The following SH3YL1 variants were observed in gnomAD, a reference collection of about 807,000 sequenced individuals.
SH3YL1 encodes SH3 and SYLF domain containing 1.
SH3YL1 carries 41 observed loss-of-function variants against 45.8 expected under a neutral mutation model. The ratio of observed to expected loss-of-function variants is 0.89; its 90% CI spans 0.70 to 1.16. The LOEUF (loss-of-function observed/expected upper bound fraction) is 1.16. Ranked by LOEUF, SH3YL1 falls within the 50% of genes most tolerant of loss-of-function variation. The pLI is 0.00. For synonymous variants in SH3YL1, 152 were observed against 151.4 expected (o/e 1.00, Z -0.03); for missense variants, 389 against 409.6 (o/e 0.95, Z 0.43).
At chr2:237,366 C>A (rs943633332) in intron 4 of SH3YL1, among the ~76,000 whole-genome samples, 1 of 151,782 alleles carries the variant, frequency 6.6e-6, no homozygotes, top group East Asian at 1.9e-4. Context: ...CCAATTAGCC[C>A]GAGAACCAGG....
chr2:255,720 C>G (rs1371683603), intron 1 of SH3YL1, among the ~76,000 whole-genome samples: 1 of 151,596 alleles, frequency 6.6e-6, no homozygotes, highest in Non-Finnish European at 1.5e-5. Context: ...TTAACAAGAT[C>G]CAGACCAGGA....
chr2:243,181 A>G (rs371491284), intron 4 of SH3YL1, among the ~76,000 whole-genome samples: 6 of 152,292 alleles, frequency 3.9e-5, no homozygotes, highest in East Asian at 1.9e-4. Flanking sequence ...ACTAGACCCA[A>G]TGGACTCCTG....
chr2:223,644 G>C (rs182828737), intron 9 of SH3YL1, among the ~76,000 whole-genome samples: 1 of 152,298 alleles, frequency 6.6e-6, no homozygotes, highest in Admixed American at 6.5e-5. Flanking sequence ...CTTTAAATCA[G>C]CCTGTAATGT....
At chr2:252,141 C>A (rs1669096102) in intron 2 of SH3YL1, among the ~76,000 whole-genome samples, 1 of 152,176 alleles carries the variant, frequency 6.6e-6, no homozygotes, top group African/African-American at 2.4e-5. Flanking sequence ...CATTCCTGGA[C>A]ACACTGCACT....
chr2:258,547 G>A (rs868359762), intron 1 of SH3YL1, among the ~76,000 whole-genome samples: 1 of 152,150 alleles, frequency 6.6e-6, no homozygotes. Flanking sequence ...ACCATGTTGA[G>A]TGCCTAGATT....
At chr2:264,556 TCCCCTCCAAGCGACCCGCAGCCCCGC>T (rs1409183931), upstream of SH3YL1, 1 of 171,904 alleles carries the variant, frequency 5.8e-6, no homozygotes, top group East Asian at 1.7e-4. Context: ...CGCGGCTCCT[TCCCCTCCAAGCGACCCGCAGCCCCGC>T]CCCCTCCAGG....
intron 4 of SH3YL1, chr2:242,304 T>C (rs1668578102): frequency 6.6e-6 from 1 of 152,080 alleles, no homozygotes; most frequent in Non-Finnish European, 1.5e-5. Context: ...TAAAATTATA[T>C]ACATTATTAA....
At chr2:234,006 G>C (rs1668171387) in intron 5 of SH3YL1, among the ~76,000 whole-genome samples, 154 bp downstream of exon 5, 1 of 152,172 alleles carries the variant, frequency 6.6e-6, no homozygotes, top group Admixed American at 6.5e-5. Context: ...TGTGTTTTGT[G>C]AATTTCCTAT....
At chr2:263,941 G>A (rs940834723) in intron 1 of SH3YL1, 43 bp downstream of exon 1, 37 of 1,465,604 alleles carry the variant, frequency 2.5e-5, no homozygotes, top group African/African-American at 8.6e-5. Flanking sequence ...CAGCTCTTGA[G>A]AGGGGAGGGT....
intron 1 of SH3YL1, chr2:260,420 C>T (rs1195616554): frequency 1.3e-5 from 2 of 152,206 alleles, no homozygotes; most frequent in East Asian, 1.9e-4. Context: ...TGTATCAGGA[C>T]GACATTCCTT....
At chr2:262,322 C>T in intron 1 of SH3YL1, 1 of 196,304 alleles carries the variant, frequency 5.1e-6, no homozygotes, top group South Asian at 8.4e-5. Context: ...TTTCAGACTA[C>T]CGTCTGAACA....
intron 6 of SH3YL1, among the ~76,000 whole-genome samples, chr2:232,130 T>G (rs1256447259): frequency 1.3e-5 from 2 of 152,222 alleles, no homozygotes; most frequent in Non-Finnish European, 2.9e-5. Flanking sequence ...TTACACATAT[T>G]TTAGTGGCAA....
At chr2:219,040 AGGGAGAAATTG>A (rs1360371356) in intron 9 of SH3YL1, 39 bp from the exon 10 acceptor site, 1 of 1,558,484 alleles carries the variant, frequency 6.4e-7, no homozygotes, top group African/African-American at 1.4e-5. Context: ...ATGTTCTTTA[AGGGAGAAATTG>A]GGGGTATCTG....
chr2:249,068 G>T (rs576274981), intron 3 of SH3YL1, among the ~76,000 whole-genome samples: 1 of 152,124 alleles, frequency 6.6e-6, no homozygotes, highest in Non-Finnish European at 1.5e-5. Context: ...ATAGAAAAAC[G>T]TGTTCACTGA....
chr2:241,528 C>T (rs947904005), intron 4 of SH3YL1: 3 of 151,656 alleles, frequency 2.0e-5, no homozygotes, highest in African/African-American at 7.3e-5. Flanking sequence ...TGATGAAAAA[C>T]ATGGATCTAC....
chr2:230,618 T>A, intron 7 of SH3YL1: 1 of 249,192 alleles, frequency 4.0e-6, no homozygotes, highest in South Asian at 5.4e-5. Context: ...GCGATCCTCC[T>A]GTTTCAGCCT....
chr2:220,411 A>G (rs1667521399), intron 9 of SH3YL1, among the ~76,000 whole-genome samples: 1 of 152,092 alleles, frequency 6.6e-6, no homozygotes. Flanking sequence ...ACTTTTTTCT[A>G]TAATAAAAAG....
At chr2:243,574 A>G in intron 4 of SH3YL1, 1 of 1,524,474 alleles carries the variant, frequency 6.6e-7, no homozygotes, top group Non-Finnish European at 8.8e-7. Context: ...TATTAAAAAA[A>G]AAACAGACCT....
At chr2:256,440 C>A (rs13422707) in intron 1 of SH3YL1, 2 of 152,108 alleles carry the variant, frequency 1.3e-5, no homozygotes, top group African/African-American at 4.8e-5. Context: ...ACCTGTAATC[C>A]CAGCAATTTG....
Sources: allele counts gnomAD v4.1 joint callset (sites outside exome capture counted in the v4.1 genomes callset), GRCh38; gene constraint gnomAD v4.1.1; transcripts MANE v1.5; gene names NCBI Gene and HGNC (gene_info 2026-07-23, HGNC 2026-07-21).